The following RAPGEF1 variants were observed in gnomAD, a reference collection of about 807,000 sequenced individuals.
The protein encoded by RAPGEF1 is Rap guanine nucleotide exchange factor 1.
RAPGEF1 carries 33 observed loss-of-function variants against 143.3 expected under a neutral mutation model. That is an observed-to-expected ratio of 0.23 (90% CI 0.17 to 0.31). RAPGEF1 has a LOEUF of 0.31. Ranked by LOEUF, RAPGEF1 falls within the 10% of genes least tolerant of loss-of-function variation. The pLI is 1.00. For missense variants in RAPGEF1, 1,199 were observed against 1,645.4 expected (o/e 0.73, Z 4.69); for synonymous variants, 629 against 676.5 (o/e 0.93, Z 1.09).
chr9:131,732,183 T>C (rs565636516), intron 1 of RAPGEF1, among the ~76,000 whole-genome samples: 35 of 152,002 alleles, frequency 2.3e-4, no homozygotes, highest in Non-Finnish European at 4.0e-4. Flanking sequence ...ACAGTCATCC[T>C]GGGAAAAGAG....
intron 4 of RAPGEF1, among the ~76,000 whole-genome samples, chr9:131,639,236 G>A (rs1267532833): frequency 6.6e-6 from 1 of 151,602 alleles, no homozygotes; most frequent in Non-Finnish European, 1.5e-5. Context: ...ACAGGTTTGC[G>A]GAATTTTAAC....
intron 5 of RAPGEF1, among the ~76,000 whole-genome samples, chr9:131,632,994 C>T (rs1311210082): frequency 6.6e-6 from 1 of 152,176 alleles, no homozygotes; most frequent in East Asian, 1.9e-4. Flanking sequence ...AGGTGTGAGC[C>T]ACCACGCTCA....
intron 1 of RAPGEF1, among the ~76,000 whole-genome samples, chr9:131,679,614 C>T (rs1324300860): frequency 1.3e-5 from 2 of 152,206 alleles, no homozygotes; most frequent in African/African-American, 4.8e-5. Context: ...TATCCTCTAC[C>T]AGCTTCTGTG....
At chr9:131,662,758 G>C (rs895077178) in intron 1 of RAPGEF1, among the ~76,000 whole-genome samples, 1 of 151,968 alleles carries the variant, frequency 6.6e-6, no homozygotes, top group Non-Finnish European at 1.5e-5. Flanking sequence ...GGCGAACCTG[G>C]TCTCAAACTC....
Position 131,731,677 on chromosome 9 carries a change from G to A in RAPGEF1, c.61+8093C>T, listed in dbSNP as rs567128293. ...GCTATAGAGCAAATGCCTGAAATCC[G>A]CCCCTCTGAACCCAGCCCTGGGCAA... On this transcript the variant is annotated intron_variant, in intron 1 of 26. Coordinates refer to ENST00000683357, the MANE Select transcript of RAPGEF1 (RefSeq NM_001377935.1). 3.3e-5 allele frequency among the ~76,000 whole-genome samples: 5 copies of A among 152,328 alleles called. No individual in the cohort carries two copies. The South Asian group carries it at 6.2e-4, about 19-fold the overall frequency.
At chr9:131,626,524 G>A in intron 9 of RAPGEF1, 102 bp from the exon 10 acceptor site, 1 of 1,182,526 alleles carries the variant, frequency 8.5e-7, no homozygotes, top group South Asian at 1.7e-5. Flanking sequence ...ATGGGTGTGT[G>A]ACAAAGACCT....
At chr9:131,723,532 T>C (rs374339097) in intron 1 of RAPGEF1, among the ~76,000 whole-genome samples, 1 of 152,272 alleles carries the variant, frequency 6.6e-6, no homozygotes, top group African/African-American at 2.4e-5. Flanking sequence ...CATATGGTAC[T>C]TGTCTTTTTG....
chr9:131,657,166 TG>T (rs34892521), intron 1 of RAPGEF1, among the ~76,000 whole-genome samples: 3,322 of 152,142 alleles, frequency 0.022, 65 homozygotes, highest in Non-Finnish European at 0.035. Context: ...GATAGCAGGG[TG>T]GGGAGGAAAC....
chr9:131,598,708 C>T (rs1955734901), intron 15 of RAPGEF1, among the ~76,000 whole-genome samples: 1 of 152,212 alleles, frequency 6.6e-6, no homozygotes, highest in South Asian at 2.1e-4. Flanking sequence ...AAGTCTTCTC[C>T]AAGGACCGAC....
intron 10 of RAPGEF1, among the ~76,000 whole-genome samples, chr9:131,623,841 G>C (rs1249573178): frequency 9.9e-5 from 15 of 152,256 alleles, no homozygotes; most frequent in Admixed American, 9.8e-4. Context: ...GACTGAGCGT[G>C]CATGAACTCA....
intron 1 of RAPGEF1, among the ~76,000 whole-genome samples, chr9:131,734,551 A>C (rs570769739): frequency 6.6e-6 from 1 of 152,360 alleles, no homozygotes; most frequent in African/African-American, 2.4e-5. Context: ...AAGGAGGCAG[A>C]GCAGGTGCCA....
At chr9:131,716,032 C>T (rs890352345) in intron 1 of RAPGEF1, among the ~76,000 whole-genome samples, 1 of 152,162 alleles carries the variant, frequency 6.6e-6, no homozygotes, top group Non-Finnish European at 1.5e-5. Context: ...CGCCGACCCA[C>T]GTCTGCAGGG....
intron 16 of RAPGEF1, 30 bp downstream of exon 16, chr9:131,598,169 C>T (rs1177482629): frequency 6.3e-7 from 1 of 1,588,402 alleles, no homozygotes; most frequent in Admixed American, 1.7e-5. Context: ...TGGGGCCAGG[C>T]TGCAAAGCCC....
At chr9:131,685,761 T>C (rs139915828) in intron 1 of RAPGEF1, among the ~76,000 whole-genome samples, 2,343 of 152,280 alleles carry the variant, frequency 0.015, 73 homozygotes, top group African/African-American at 0.054. Flanking sequence ...GTGTCTTTAA[T>C]TCCTCTAGCG....
intron 1 of RAPGEF1, among the ~76,000 whole-genome samples, chr9:131,704,389 C>G (rs1834896108): frequency 1.3e-5 from 2 of 151,728 alleles, no homozygotes; most frequent in South Asian, 4.2e-4. Context: ...AAATCCTTAA[C>G]TCACCCCCTG....
At chr9:131,582,788 A>G in intron 24 of RAPGEF1, 86 bp from the exon 25 acceptor site, 1 of 1,216,068 alleles carries the variant, frequency 8.2e-7, no homozygotes, top group South Asian at 1.5e-5. Flanking sequence ...CTCCTCACTA[A>G]CTGGAGGGTC....
chr9:131,602,015 G>A (rs1451794739), intron 15 of RAPGEF1, 46 bp downstream of exon 15: 3 of 1,451,484 alleles, frequency 2.1e-6, no homozygotes, highest in South Asian at 1.2e-5. Flanking sequence ...TCATGAGTGG[G>A]CGCACTGCTC....
At position 131,628,418 on chromosome 9, in the gene RAPGEF1, G is replaced by A; in HGVS notation, c.1017+131C>T. On this transcript the variant is annotated intron_variant, in intron 8 of 26. Coordinates refer to ENST00000683357, the MANE Select transcript of RAPGEF1 (RefSeq NM_001377935.1). The surrounding 1 kb of genome is among the most constrained non-coding windows in gnomAD (Gnocchi z 5.7). ...CCTGGAGAGAGAGGGATGGGTACAA[G>A]GTCTCGCACTCCTCGATGTGACAAA... 1 of 1,251,022 alleles carries A rather than the reference G, an allele frequency of 8.0e-7. No individual in the cohort carries two copies. Among genetic ancestry groups the A allele is most frequent in the Non-Finnish European group, 1.1e-6 (1 of 911,202 alleles). The allele number at this position is 1,251,022 out of a possible 1,614,324, so 77.5% of individuals were successfully genotyped here. A position where few individuals can be genotyped will look rare whatever the true frequency, so the allele number is the denominator to read the frequency against.
chr9:131,642,859 T>C (rs937719744), intron 4 of RAPGEF1, among the ~76,000 whole-genome samples: 6 of 152,160 alleles, frequency 3.9e-5, no homozygotes, highest in Non-Finnish European at 4.4e-5. Flanking sequence ...GTGGAAACAG[T>C]AGCTTCCACC....
Sources: allele counts gnomAD v4.1 joint callset (sites outside exome capture counted in the v4.1 genomes callset), GRCh38; gene constraint gnomAD v4.1.1; non-coding constraint Gnocchi (gnomAD v3.1); transcripts MANE v1.5; gene names NCBI Gene and HGNC (gene_info 2026-07-23, HGNC 2026-07-21).